AGMO: variants seen among roughly 807,000 people sequenced by gnomAD.
The protein encoded by AGMO is glyceryl-ether monooxygenase.
Under a neutral mutation model 60.2 loss-of-function variants are expected in AGMO, and 75 were observed. The ratio of observed to expected loss-of-function variants is 1.25; its 90% CI spans 1.03 to 1.51. AGMO has a LOEUF of 1.51. AGMO is among the 40% of genes most tolerant of loss of function. The pLI, the probability that AGMO is intolerant of heterozygous loss-of-function variation, is 0.00. For missense variants in AGMO, 763 were observed against 525.5 expected (o/e 1.45, Z -4.42); for synonymous variants, 261 against 177.1 (o/e 1.47, Z -3.76).
intron 12 of AGMO, chr7:15,358,310 T>C (rs1449577239): frequency 1.4e-5 from 6 of 417,534 alleles, no homozygotes; most frequent in Non-Finnish European, 3.0e-5. Context: ...GCACATAAAA[T>C]GGCTGAGGCA....
chr7:15,446,268 A>G (rs1408265752), intron 3 of AGMO, among the ~76,000 whole-genome samples: 1 of 152,218 alleles, frequency 6.6e-6, no homozygotes, highest in Non-Finnish European at 1.5e-5. Context: ...ATTAATATAA[A>G]TTAAAACAAT....
chr7:15,376,029 A>T (rs1382441612), intron 10 of AGMO, among the ~76,000 whole-genome samples: 1 of 152,154 alleles, frequency 6.6e-6, no homozygotes, highest in Non-Finnish European at 1.5e-5. Context: ...GACAAAAAAT[A>T]ATGTATTTAG....
At chr7:15,340,306 T>C (rs1296750789) in intron 12 of AGMO, among the ~76,000 whole-genome samples, 7 of 152,206 alleles carry the variant, frequency 4.6e-5, no homozygotes, top group Admixed American at 1.3e-4. Context: ...TGGTATCATA[T>C]CAGTACTCAA....
chr7:15,475,450 C>G (rs1190410263), intron 3 of AGMO, among the ~76,000 whole-genome samples: 1 of 151,958 alleles, frequency 6.6e-6, no homozygotes, highest in Non-Finnish European at 1.5e-5. Flanking sequence ...AACAGAAAAC[C>G]AAACACCGCA....
At chr7:15,284,120 CA>C (rs1284432799) in intron 12 of AGMO, among the ~76,000 whole-genome samples, 1 of 151,956 alleles carries the variant, frequency 6.6e-6, no homozygotes, top group Non-Finnish European at 1.5e-5. Flanking sequence ...ATGCCTCCAT[CA>C]AAAAGTATAA....
chr7:15,317,622 G>A (rs1441315174), intron 12 of AGMO, among the ~76,000 whole-genome samples: 2 of 151,754 alleles, frequency 1.3e-5, no homozygotes, highest in South Asian at 2.1e-4. Context: ...GAACATGAAC[G>A]CATTATTATT....
chr7:15,129,918 T>C, the AGMO span, among the ~76,000 whole-genome samples: 1 of 152,094 alleles, frequency 6.6e-6, no homozygotes, highest in Non-Finnish European at 1.5e-5. Context: ...ATGCCTGATA[T>C]TATCTAAGTG....
chr7:15,268,227 C>G (rs1371457564), intron 12 of AGMO, among the ~76,000 whole-genome samples: 1 of 151,956 alleles, frequency 6.6e-6, no homozygotes, highest in Non-Finnish European at 1.5e-5. Context: ...CATGTTTAAT[C>G]AGGATTTGGA....
chr7:15,248,194 A>ATATATATATATATATG (rs1782813763), intron 12 of AGMO, among the ~76,000 whole-genome samples: 1 of 73,760 alleles, frequency 1.4e-5, no homozygotes, highest in South Asian at 4.1e-4. Flanking sequence ...ATATATATAT[A>ATATATATATATATATG]TATATATATA....
chr7:15,161,549 C>G, the AGMO span, among the ~76,000 whole-genome samples: 1 of 151,024 alleles, frequency 6.6e-6, no homozygotes, highest in South Asian at 2.1e-4. Flanking sequence ...TGCATTAATA[C>G]ATATATACAC....
chr7:15,153,275 TC>T, the AGMO span, among the ~76,000 whole-genome samples: 1 of 152,168 alleles, frequency 6.6e-6, no homozygotes, highest in Non-Finnish European at 1.5e-5. Flanking sequence ...GTGAAGATTT[TC>T]TCCCAAACTG....
chr7:15,492,630 A>ATT (rs1209606350), intron 3 of AGMO, among the ~76,000 whole-genome samples: 6 of 149,670 alleles, frequency 4.0e-5, no homozygotes, highest in Non-Finnish European at 8.9e-5. Context: ...TTATTAATTA[A>ATT]TTTTTTACTA....
intron 8 of AGMO, among the ~76,000 whole-genome samples, chr7:15,387,985 A>G (rs1255061090): frequency 6.8e-6 from 1 of 147,292 alleles, no homozygotes; most frequent in Non-Finnish European, 1.5e-5. Context: ...TTGGCTCACT[A>G]CAACCTCTGC....
chr7:15,353,361 C>T (rs566750125), intron 12 of AGMO, among the ~76,000 whole-genome samples: 1 of 152,204 alleles, frequency 6.6e-6, no homozygotes, highest in South Asian at 2.1e-4. Flanking sequence ...CTCTTTTTAT[C>T]CAAACAATCT....
the AGMO span, among the ~76,000 whole-genome samples, chr7:15,194,887 C>A: frequency 6.0e-4 from 91 of 152,278 alleles, no homozygotes; most frequent in African/African-American, 2.1e-3. Context: ...CCGATTGTCT[C>A]AGCAGACATC....
At chr7:15,129,327 A>G in the AGMO span, among the ~76,000 whole-genome samples, 1 of 152,174 alleles carries the variant, frequency 6.6e-6, no homozygotes, top group African/African-American at 2.4e-5. Flanking sequence ...CAGTTAACAC[A>G]TAAATCCATT....
chr7:15,485,142 C>CAAAAAAAAAAAAAAAA (rs34731268), intron 3 of AGMO, among the ~76,000 whole-genome samples: 9 of 97,800 alleles, frequency 9.2e-5, no homozygotes, highest in Admixed American at 2.2e-4. Context: ...ACTAAAAATA[C>CAAAAAAAAAAAAAAAA]AAAAAAAAAA....
chr7:15,195,657 A>C (rs1256132526), downstream of AGMO, among the ~76,000 whole-genome samples: 1 of 152,146 alleles, frequency 6.6e-6, no homozygotes, highest in African/African-American at 2.4e-5. Context: ...AACTGCTGGC[A>C]TTTACCTGTG....
At chr7:15,432,883 T>C (rs866519067) in intron 3 of AGMO, among the ~76,000 whole-genome samples, 16 of 151,996 alleles carry the variant, frequency 1.1e-4, no homozygotes, top group African/African-American at 3.9e-4. Flanking sequence ...AAGACCCTTG[T>C]GGCACTTTAT....
Sources: allele counts gnomAD v4.1 joint callset (sites outside exome capture counted in the v4.1 genomes callset), GRCh38; gene constraint gnomAD v4.1.1; transcripts MANE v1.5; gene names NCBI Gene and HGNC (gene_info 2026-07-23, HGNC 2026-07-21).